SRGAP1: variants seen among roughly 807,000 people sequenced by gnomAD.
The protein encoded by SRGAP1 is SLIT-ROBO Rho GTPase-activating protein 1.
SRGAP1 carries 43 observed loss-of-function variants against 121.9 expected under a neutral mutation model. That is an observed-to-expected ratio of 0.35 (90% CI 0.28 to 0.46). The LOEUF (loss-of-function observed/expected upper bound fraction) is 0.46. SRGAP1 is among the 20% of genes least tolerant of loss of function. SRGAP1 has a pLI of 1.00. For missense variants in SRGAP1, 1,102 were observed against 1,350.9 expected, an observed-to-expected ratio of 0.82 and a Z score of 2.89; for synonymous variants, 447 against 485.4, an observed-to-expected ratio of 0.92 and a Z score of 1.04.
At chr12:64,023,653 C>G (rs1213322139) in intron 4 of SRGAP1, among the ~76,000 whole-genome samples, 1 of 152,186 alleles carries the variant, frequency 6.6e-6, no homozygotes, top group Non-Finnish European at 1.5e-5. Context: ...ATCACACTCT[C>G]TATGCATCAG....
At chr12:63,981,267 A>T (rs994666764) in intron 1 of SRGAP1, among the ~76,000 whole-genome samples, 1 of 152,196 alleles carries the variant, frequency 6.6e-6, no homozygotes, top group South Asian at 2.1e-4. Flanking sequence ...AGACCCAAGA[A>T]AAAAGCCTGT....
chr12:63,946,005 T>G (rs2032034557), intron 1 of SRGAP1, among the ~76,000 whole-genome samples: 1 of 152,104 alleles, frequency 6.6e-6, no homozygotes, highest in Non-Finnish European at 1.5e-5. Context: ...ACACATACCT[T>G]CCTACCTGGT....
chr12:64,022,707 T>C (rs2136474483), intron 4 of SRGAP1, among the ~76,000 whole-genome samples: 1 of 152,270 alleles, frequency 6.6e-6, no homozygotes, highest in East Asian at 1.9e-4. Flanking sequence ...TGCACCTCAG[T>C]TTTCTCATCT....
intron 11 of SRGAP1, among the ~76,000 whole-genome samples, chr12:64,090,090 G>GAGAC (rs1388397960): frequency 6.6e-6 from 1 of 152,184 alleles, no homozygotes; most frequent in East Asian, 1.9e-4. Context: ...AAAACATCCA[G>GAGAC]AGACAGGTCT....
At chr12:64,089,364 G>T (rs372446718) in intron 11 of SRGAP1, among the ~76,000 whole-genome samples, 1 of 152,166 alleles carries the variant, frequency 6.6e-6, no homozygotes, top group African/African-American at 2.4e-5. Flanking sequence ...TTTCCTTTGT[G>T]CCTTCTGCCT....
chr12:63,961,815 G>A (rs2032651199), intron 1 of SRGAP1, among the ~76,000 whole-genome samples: 1 of 152,192 alleles, frequency 6.6e-6, no homozygotes, highest in African/African-American at 2.4e-5. Flanking sequence ...CTAATGTCAG[G>A]GAGTGATAAG....
chr12:64,142,472 T>G lies in SRGAP1; in HGVS notation c.3058T>G (p.Ser1020Ala). 1 of 1,614,028 alleles carries G rather than the reference T, an allele frequency of 6.2e-7. No individual in the cohort carries two copies. Among genetic ancestry groups the G allele is most frequent in the Non-Finnish European group, 8.5e-7 (1 of 1,180,008 alleles). ...SPLHNVALRS[S>A]EPQIRRSTSS... Reference sequence around the variant, plus strand: ...TTTGCACAACGTTGCCCTCAGGAGCTCCGAGCCTCAGATTCGACGTAGCAC... The same window carrying G: ...TTTGCACAACGTTGCCCTCAGGAGCGCCGAGCCTCAGATTCGACGTAGCAC... The change falls in exon 22 of 22, where the codon TCC (serine) becomes GCC (alanine). Residue 1020 changes from serine (S) to alanine (A), a missense_variant. By Grantham distance (99) the Ser-to-Ala change is moderately conservative. Around this residue, in one of 3 missense-constraint regions of SRGAP1, gnomAD observed 315 missense variants for 343.1 expected, o/e 0.92. Coordinates refer to ENST00000355086, the MANE Select transcript of SRGAP1 (RefSeq NM_020762.4).
intron 1 of SRGAP1, among the ~76,000 whole-genome samples, chr12:63,927,799 C>G (rs2031315603): frequency 6.6e-6 from 1 of 151,962 alleles, no homozygotes; most frequent in South Asian, 2.1e-4. Context: ...CCAGTTCCCT[C>G]AAATAATTTG....
At chr12:63,916,375 A>C (rs1020429337) in intron 1 of SRGAP1, among the ~76,000 whole-genome samples, 3 of 152,270 alleles carry the variant, frequency 2.0e-5, no homozygotes, top group Admixed American at 6.5e-5. Flanking sequence ...GATCCCCACC[A>C]GTTTGAGACA....
rs2037087782 is a variant in SRGAP1 at position 64,148,719 on chromosome 12, T to C, written c.*6047T>C. On this transcript the variant is annotated 3_prime_UTR_variant, in exon 22 of 22. Coordinates refer to ENST00000355086, the MANE Select transcript of SRGAP1 (RefSeq NM_020762.4). Reference sequence around the variant, plus strand: ...TAAAGTTTAAAAAATGACAGGCAAATCAAGGAAAAACACTTTTTATTAAAG... The same window carrying C: ...TAAAGTTTAAAAAATGACAGGCAAACCAAGGAAAAACACTTTTTATTAAAG... 1 of 152,178 alleles carries C rather than the reference T, an allele frequency of 6.6e-6. No individual in the cohort carries two copies. Among genetic ancestry groups the C allele is most frequent in the Non-Finnish European group, 1.5e-5 (1 of 68,022 alleles). 9.4% of individuals were successfully genotyped at this position (152,178 alleles called of 1,614,324 possible).
intron 3 of SRGAP1, among the ~76,000 whole-genome samples, chr12:63,999,381 G>A (rs1000055800): frequency 3.3e-5 from 5 of 152,202 alleles, no homozygotes; most frequent in Admixed American, 2.6e-4. Context: ...GGAGTGTGGA[G>A]AGTGGATTGA....
In SRGAP1 at chr12:63,974,338, G is replaced by T. The variant is rs1213049593; in HGVS notation, c.68-9609G>T. On this transcript the variant is annotated intron_variant, in intron 1 of 21. Transcript: ENST00000355086. ...AAAGCTATGAAAAACTGACAGTTTTGTAGTAAGCTTTTATTTTAAAATAAT... is the reference window on the plus strand; with the variant it reads ...AAAGCTATGAAAAACTGACAGTTTTTTAGTAAGCTTTTATTTTAAAATAAT... Among the ~76,000 whole-genome samples, 3 of 152,052 alleles carry T rather than the reference G, an allele frequency of 2.0e-5. No homozygotes were observed. In the East Asian group the frequency reaches 5.8e-4, roughly 29 times the overall value.
intron 6 of SRGAP1, among the ~76,000 whole-genome samples, chr12:64,056,846 GCTT>G (rs2035353219): frequency 6.6e-6 from 1 of 152,116 alleles, no homozygotes; most frequent in Admixed American, 6.6e-5. Context: ...AGGACTGACT[GCTT>G]CTTTTCATTT....
At chr12:63,920,169 T>C (rs1311130218) in intron 1 of SRGAP1, among the ~76,000 whole-genome samples, 1 of 152,236 alleles carries the variant, frequency 6.6e-6, no homozygotes, top group Non-Finnish European at 1.5e-5. Flanking sequence ...CACGTGGTAT[T>C]ATAAAACATC....
At chr12:63,858,339 G>T (rs1899324757) in intron 1 of SRGAP1, among the ~76,000 whole-genome samples, 1 of 151,450 alleles carries the variant, frequency 6.6e-6, no homozygotes, top group South Asian at 2.1e-4. Context: ...TTTTGGAGGG[G>T]AGGGTGGGGA....
intron 1 of SRGAP1, among the ~76,000 whole-genome samples, chr12:63,941,808 C>T (rs1035568169): frequency 2.0e-5 from 3 of 152,064 alleles, no homozygotes; most frequent in Non-Finnish European, 2.9e-5. Flanking sequence ...ATGATGCCAA[C>T]GAGCCTGGAT....
intron 1 of SRGAP1, among the ~76,000 whole-genome samples, chr12:63,895,266 T>C (rs1371685188): frequency 6.6e-6 from 1 of 152,174 alleles, no homozygotes; most frequent in African/African-American, 2.4e-5. Flanking sequence ...GCTTATCTCA[T>C]ATGGGAGTTA....
chr12:63,926,836 A>G (rs2031279499), intron 1 of SRGAP1, among the ~76,000 whole-genome samples: 1 of 152,142 alleles, frequency 6.6e-6, no homozygotes, highest in Non-Finnish European at 1.5e-5. Context: ...AACACTTCCC[A>G]TTCCCTACCT....
chr12:63,973,295 G>C (rs1454460859), intron 1 of SRGAP1, among the ~76,000 whole-genome samples: 1 of 152,048 alleles, frequency 6.6e-6, no homozygotes, highest in Non-Finnish European at 1.5e-5. Context: ...CACAGGCCTG[G>C]GTCACTTTAG....
Sources: allele counts gnomAD v4.1 joint callset (sites outside exome capture counted in the v4.1 genomes callset), GRCh38; gene constraint gnomAD v4.1.1; regional missense constraint gnomAD v4.1.1; transcripts MANE v1.5; gene names NCBI Gene and HGNC (gene_info 2026-07-23, HGNC 2026-07-21).